Variants in MERTK observed in about 807,000 individuals in gnomAD.
The protein encoded by MERTK is tyrosine-protein kinase Mer.
MERTK carries 69 observed loss-of-function variants against 99.3 expected under a neutral mutation model. The observed-to-expected ratio is 0.70, with a 90% confidence interval of 0.57 to 0.85. The LOEUF (loss-of-function observed/expected upper bound fraction) is 0.85. MERTK is among the 40% of genes least tolerant of loss of function. The probability of loss-of-function intolerance (pLI) is 0.00; values close to 1 mark genes in which losing one functional copy is unlikely to be tolerated. For missense variants in MERTK, 1,125 were observed against 1,249.4 expected (o/e 0.90, Z 1.50); for synonymous variants, 426 against 467.6 (o/e 0.91, Z 1.15).
intron 2 of MERTK, among the ~76,000 whole-genome samples, chr2:111,930,655 C>T (rs1684654609): frequency 6.6e-6 from 1 of 152,084 alleles, no homozygotes; most frequent in Non-Finnish European, 1.5e-5. Context: ...ACCATCATCT[C>T]AGTACTCCAC....
At chr2:111,976,332 G>A (rs772897608) in intron 7 of MERTK, among the ~76,000 whole-genome samples, 4 of 152,142 alleles carry the variant, frequency 2.6e-5, no homozygotes, top group East Asian at 1.9e-4. Flanking sequence ...TGTAATAAGG[G>A]TCTTATGACC....
In MERTK at chr2:111,929,649, C is replaced by T. The variant is rs1180509696; in HGVS notation, c.482+109C>T. 56 of 886,834 alleles carry T rather than the reference C, an allele frequency of 6.3e-5. 3 individuals are homozygous for T. The highest frequency in any genetic ancestry group is 1.6e-4 in the South Asian group (6 of 38,200). 54.9% of individuals were successfully genotyped at this position (886,834 alleles called of 1,614,324 possible). A position where few individuals can be genotyped will look rare whatever the true frequency, so the allele number is the denominator to read the frequency against. On this transcript the variant is annotated intron_variant, in intron 2 of 18. Transcript: ENST00000295408. The stretch of plus-strand genomic sequence containing the variant: ...TAGCCCAGGCTGGAGTGCAGTGGCA[C>T]GATCTCAGCTCATTGCAACCTCCAC...
intron 1 of MERTK, among the ~76,000 whole-genome samples, chr2:111,907,206 G>A (rs1234405610): frequency 6.6e-6 from 1 of 152,190 alleles, no homozygotes; most frequent in Non-Finnish European, 1.5e-5. Flanking sequence ...CCTGAGGTCA[G>A]GAGTTTGAGA....
rs758631997 is a variant in MERTK, at chr2:111,929,529, C to T, written c.471C>T (p.Ile157=). ...CAGATGATGAAGTTACAGCAATAAT[C>T]GCTTCCTTCAGGTATGTGTTCTTTC... ...FYPDDEVTAI[I]ASFSITSVQR... Residue 157 remains isoleucine (I), a synonymous_variant, in exon 2 of 19, where the codon ATC becomes ATT. Transcript: ENST00000295408. The T allele has an allele frequency of 3.1e-6, 5 of 1,611,688 alleles. No homozygotes were observed. The highest frequency in any genetic ancestry group is 1.1e-5 in the South Asian group (1 of 90,640).
At chr2:111,975,242 CCCA>C (rs1676222273) in intron 6 of MERTK, 44 bp from the exon 7 acceptor site, 2 of 1,598,912 alleles carry the variant, frequency 1.3e-6, no homozygotes, top group Non-Finnish European at 1.7e-6. Context: ...GCCTGACATT[CCCA>C]CCACCTTACT....
chr2:111,919,123 A>G (rs1452759848), intron 1 of MERTK, among the ~76,000 whole-genome samples: 1 of 152,134 alleles, frequency 6.6e-6, no homozygotes, highest in East Asian at 1.9e-4. Context: ...CTCTGACTTT[A>G]GGGTTCTTGT....
chr2:111,899,674 C>T (rs1184270801), intron 1 of MERTK, among the ~76,000 whole-genome samples: 3 of 152,104 alleles, frequency 2.0e-5, no homozygotes, highest in Admixed American at 6.5e-5. Flanking sequence ...CGCGCTACCA[C>T]GTCCGGCTAA....
chr2:111,922,942 A>G (rs55972521), intron 1 of MERTK, among the ~76,000 whole-genome samples: 36,986 of 152,058 alleles, frequency 0.24, 4,799 homozygotes, highest in South Asian at 0.32. Flanking sequence ...CTAATGAACG[A>G]ATTTTGAGTC....
At chr2:111,928,280 C>T (rs1349628686) in intron 1 of MERTK, among the ~76,000 whole-genome samples, 1 of 124,134 alleles carries the variant, frequency 8.1e-6, no homozygotes, top group African/African-American at 3.2e-5. Context: ...GGCTGGAGTG[C>T]AGTGGCACAA....
rs1553459668 is a variant in MERTK at position 112,021,446 on chromosome 2, T to G, written c.2214T>G (p.Cys738Trp). ...NCMLRDDMTV[C>W]VADFGLSKKI... is the part of the protein sequence containing the mutation. ...GGTTGCGAGATGACATGACTGTCTGTGTTGCGGACTTCGGCCTCTCTAAGA... is the reference window on the plus strand; with the variant it reads ...GGTTGCGAGATGACATGACTGTCTGGGTTGCGGACTTCGGCCTCTCTAAGA... Residue 738 changes from cysteine to tryptophan, a missense_variant, in exon 17 of 19, where the codon TGT becomes TGG. Physicochemically the swap from Cys to Trp is radical, Grantham distance 215. Transcript: ENST00000295408. 1 of 1,613,642 alleles carries G rather than the reference T, an allele frequency of 6.2e-7. No homozygotes were observed. Among genetic ancestry groups the G allele is most frequent in the East Asian group, 2.2e-5 (1 of 44,884 alleles).
chr2:111,898,916 A>G (rs1683982488), intron 1 of MERTK, 120 bp downstream of exon 1: 2 of 1,045,150 alleles, frequency 1.9e-6, no homozygotes, highest in African/African-American at 3.3e-5. Flanking sequence ...GTTTGCAAAC[A>G]CCCTCCACCC....
chr2:111,924,191 G>T (rs1196851310), intron 1 of MERTK, among the ~76,000 whole-genome samples: 1 of 152,186 alleles, frequency 6.6e-6, no homozygotes, highest in African/African-American at 2.4e-5. Context: ...ATAATAAAAT[G>T]AGAAAATAAT....
In MERTK at chr2:111,945,110, G is replaced by A. The variant is rs757716066; in HGVS notation, c.583+50G>A. 66 of 1,420,906 alleles carry A rather than the reference G, an allele frequency of 4.6e-5. No individual in the cohort carries two copies. The East Asian group carries it at 1.3e-3, about 29-fold the overall frequency. The allele number at this position is 1,420,906 out of a possible 1,614,324, so 88.0% of individuals were successfully genotyped here. ...TTGCCAGAGAACTGTTTGTTTTAGGGCCTGTGTTAAATGTTTTGTGTATAA... is the reference window on the plus strand; with the variant it reads ...TTGCCAGAGAACTGTTTGTTTTAGGACCTGTGTTAAATGTTTTGTGTATAA... On this transcript the variant is annotated intron_variant, in intron 3 of 18. Transcript: ENST00000295408.
At position 111,949,182 on chromosome 2, in the gene MERTK, G is replaced by T. The variant is rs9808061; in HGVS notation, c.757+1615G>T. Among the ~76,000 whole-genome samples the T allele has an allele frequency of 4.6e-5, 7 of 151,896 alleles. No homozygotes were observed. In the East Asian group the frequency reaches 1.4e-3, roughly 29 times the overall value. On this transcript the variant is annotated intron_variant, in intron 4 of 18. Coordinates refer to ENST00000295408, the MANE Select transcript of MERTK (RefSeq NM_006343.3). ...TAGGTCCCCTCAATCCCATATTCCT[G>T]TGTACTCCTCCATTGCACTTGTCAC...
chr2:112,007,371 G>T (rs1449282346), intron 13 of MERTK, among the ~76,000 whole-genome samples: 3 of 152,098 alleles, frequency 2.0e-5, no homozygotes, highest in African/African-American at 7.2e-5. Context: ...AGCCAGGATG[G>T]TCTCGATCTC....
intron 8 of MERTK, among the ~76,000 whole-genome samples, chr2:111,990,325 A>G (rs1292862389): frequency 1.3e-5 from 2 of 152,220 alleles, no homozygotes; most frequent in Non-Finnish European, 2.9e-5. Flanking sequence ...TATCTTTCTA[A>G]TCACTATGGC....
At chr2:111,922,539 C>A (rs1684485095) in intron 1 of MERTK, among the ~76,000 whole-genome samples, 1 of 152,234 alleles carries the variant, frequency 6.6e-6, no homozygotes, top group African/African-American at 2.4e-5. Flanking sequence ...CTTATCCCCG[C>A]AGGGCCCAGA....
At chr2:111,968,988 C>T (rs1374785561) in intron 6 of MERTK, among the ~76,000 whole-genome samples, 1 of 152,204 alleles carries the variant, frequency 6.6e-6, no homozygotes, top group Non-Finnish European at 1.5e-5. Flanking sequence ...GAGCGTAGCA[C>T]CTTACCCAGT....
chr2:112,005,380 A>G lies in MERTK; in HGVS notation c.1867+1396A>G, dbSNP rs557346632. 1.3e-4 allele frequency among the ~76,000 whole-genome samples: 20 copies of G among 152,314 alleles called. No individual in the cohort carries two copies. In the South Asian group the frequency reaches 4.1e-3, roughly 32 times the overall value. On this transcript the variant is annotated intron_variant, in intron 13 of 18. Coordinates refer to ENST00000295408, the MANE Select transcript of MERTK (RefSeq NM_006343.3). ...AGCCACTTCACCCAGCTTAAAATCT[A>G]TATAGTTAAGGAAACTATAGTGACT...
Sources: gnomAD v4.1 joint callset for allele counts (sites outside exome capture counted in the v4.1 genomes callset) on GRCh38, gnomAD v4.1.1 for gene constraint, MANE v1.5 for transcripts, NCBI Gene and HGNC (gene_info 2026-07-23, HGNC 2026-07-21) for gene names.